NKAIN2: variants seen among roughly 807,000 people sequenced by gnomAD.
NKAIN2 encodes the protein sodium/potassium transporting ATPase interacting 2, also known as sodium/potassium-transporting ATPase subunit beta-1-interacting protein 2.
Under a neutral mutation model 32.6 loss-of-function variants are expected in NKAIN2, and 14 were observed. The ratio of observed to expected loss-of-function variants is 0.43; its 90% CI spans 0.28 to 0.67. The LOEUF (loss-of-function observed/expected upper bound fraction) is 0.67. Among genes scored for constraint, NKAIN2 ranks in the 30% least tolerant of loss-of-function variants. The pLI, the probability that NKAIN2 is intolerant of heterozygous loss-of-function variation, is 0.17. For synonymous variants in NKAIN2, 80 were observed against 87.2 expected (o/e 0.92, Z 0.46); for missense variants, 198 against 258.3 (o/e 0.77, Z 1.60).
chr6:124,376,925 CA>C (rs1800018098), intron 3 of NKAIN2, among the ~76,000 whole-genome samples: 1 of 152,088 alleles, frequency 6.6e-6, no homozygotes, highest in Admixed American at 6.5e-5. Flanking sequence ...ATACTCCCTA[CA>C]AATCAGCTTC....
intron 1 of NKAIN2, among the ~76,000 whole-genome samples, chr6:124,116,686 A>G (rs1054500617): frequency 6.6e-6 from 1 of 152,146 alleles, no homozygotes; most frequent in Non-Finnish European, 1.5e-5. Context: ...GCACTTCACG[A>G]AAGTGCTATG....
At chr6:124,816,603 GT>G (rs1781177897) in intron 5 of NKAIN2, among the ~76,000 whole-genome samples, 1 of 152,024 alleles carries the variant, frequency 6.6e-6, no homozygotes, top group Admixed American at 6.6e-5. Flanking sequence ...AAAAAATAAA[GT>G]TTTTTTCTAA....
intron 1 of NKAIN2, among the ~76,000 whole-genome samples, chr6:123,890,483 G>C (rs1253676452): frequency 6.6e-6 from 1 of 152,060 alleles, no homozygotes; most frequent in Admixed American, 6.6e-5. Flanking sequence ...TCACCACCGA[G>C]AGCTGGTAAT....
intron 4 of NKAIN2, among the ~76,000 whole-genome samples, chr6:124,695,475 T>G (rs901879877): frequency 1.3e-5 from 2 of 152,224 alleles, no homozygotes; most frequent in Non-Finnish European, 2.9e-5. Flanking sequence ...CTCCACTTAT[T>G]GATTTGATTC....
At chr6:124,519,487 A>G (rs1307741222) in intron 3 of NKAIN2, among the ~76,000 whole-genome samples, 3 of 152,224 alleles carry the variant, frequency 2.0e-5, no homozygotes, top group Non-Finnish European at 4.4e-5. Context: ...ACAAGCTATG[A>G]GTTAAAATCT....
At chr6:124,059,374 A>G (rs1267333871) in intron 1 of NKAIN2, among the ~76,000 whole-genome samples, 1 of 152,090 alleles carries the variant, frequency 6.6e-6, no homozygotes, top group African/African-American at 2.4e-5. Context: ...GCTGGTCACT[A>G]TCTTAGGACC....
At chr6:124,614,319 G>A (rs1782801911) in intron 3 of NKAIN2, among the ~76,000 whole-genome samples, 1 of 152,110 alleles carries the variant, frequency 6.6e-6, no homozygotes, top group Non-Finnish European at 1.5e-5. Flanking sequence ...GCTTGAACCT[G>A]GGAGATGGAG....
chr6:124,184,955 CATT>C (rs1562408157), intron 1 of NKAIN2, among the ~76,000 whole-genome samples: 1 of 151,966 alleles, frequency 6.6e-6, no homozygotes, highest in East Asian at 1.9e-4. Flanking sequence ...CTATTTCTAT[CATT>C]AGTTGGAAGA....
chr6:124,785,163 A>G (rs556189674), intron 4 of NKAIN2, among the ~76,000 whole-genome samples: 1 of 151,914 alleles, frequency 6.6e-6, no homozygotes, highest in African/African-American at 2.4e-5. Context: ...AGTTTAGGTA[A>G]TTTCTATTGT....
intron 1 of NKAIN2, among the ~76,000 whole-genome samples, chr6:123,884,432 A>T (rs1178121301): frequency 6.6e-6 from 1 of 152,156 alleles, no homozygotes; most frequent in African/African-American, 2.4e-5. Flanking sequence ...TAAAGTAGTA[A>T]TTGGAAAGAC....
At chr6:124,785,809 A>C in intron 4 of NKAIN2, among the ~76,000 whole-genome samples, 1 of 152,140 alleles carries the variant, frequency 6.6e-6, no homozygotes, top group East Asian at 1.9e-4. Context: ...CATTGGTAAA[A>C]GTCCTGATCT....
chr6:124,447,484 T>G (rs1455626209), intron 3 of NKAIN2, among the ~76,000 whole-genome samples: 1 of 152,128 alleles, frequency 6.6e-6, no homozygotes, highest in Non-Finnish European at 1.5e-5. Context: ...TAGGAGGAAA[T>G]GACCTATTAT....
intron 1 of NKAIN2, among the ~76,000 whole-genome samples, chr6:123,966,413 T>C (rs982954507): frequency 2.0e-5 from 3 of 152,190 alleles, no homozygotes; most frequent in Admixed American, 2.0e-4. Context: ...TTGCCAATTA[T>C]TTCATGCCCT....
intron 3 of NKAIN2, among the ~76,000 whole-genome samples, chr6:124,622,074 A>G (rs1054795927): frequency 2.0e-5 from 3 of 152,196 alleles, no homozygotes; most frequent in Non-Finnish European, 4.4e-5. Context: ...TCACAATTCT[A>G]GAGGTCAGAA....
chr6:124,439,964 G>T (rs1298695000), intron 3 of NKAIN2, among the ~76,000 whole-genome samples: 1 of 152,044 alleles, frequency 6.6e-6, no homozygotes, highest in African/African-American at 2.4e-5. Flanking sequence ...ATTAACACCT[G>T]AGGGTGATCC....
chr6:124,645,657 C>A (rs1470213091), intron 3 of NKAIN2, among the ~76,000 whole-genome samples: 1 of 152,112 alleles, frequency 6.6e-6, no homozygotes, highest in Non-Finnish European at 1.5e-5. Flanking sequence ...TAATGTATAA[C>A]AAAGCACCAA....
intron 1 of NKAIN2, among the ~76,000 whole-genome samples, chr6:123,873,400 G>A (rs1235131190): frequency 1.3e-5 from 2 of 152,126 alleles, no homozygotes; most frequent in Non-Finnish European, 2.9e-5. Context: ...AAGTTATTCA[G>A]GGCCAAATAA....
At chr6:124,818,533 A>G in intron 6 of NKAIN2, 65 bp downstream of exon 6, 1 of 665,296 alleles carries the variant, frequency 1.5e-6, no homozygotes, top group Non-Finnish European at 2.6e-6. Context: ...CTGTATCACG[A>G]TACAAAATTG....
At chr6:124,751,913 T>C (rs1272867152) in intron 4 of NKAIN2, among the ~76,000 whole-genome samples, 1 of 151,938 alleles carries the variant, frequency 6.6e-6, no homozygotes, top group East Asian at 1.9e-4. Flanking sequence ...TCCTGGGAAA[T>C]TGAGGCTGCA....
Sources: allele counts gnomAD v4.1 joint callset (sites outside exome capture counted in the v4.1 genomes callset), GRCh38; gene constraint gnomAD v4.1.1; transcripts MANE v1.5; gene names NCBI Gene and HGNC (gene_info 2026-07-23, HGNC 2026-07-21).